SH3GL2: variants seen among roughly 807,000 people sequenced by gnomAD.
SH3GL2 encodes endophilin-A1.
SH3GL2 carries 24 observed loss-of-function variants against 46.0 expected under a neutral mutation model. The observed-to-expected ratio is 0.52, with a 90% CI of 0.38 to 0.73. The LOEUF is 0.73. SH3GL2 is among the 30% of genes least tolerant of loss of function. The pLI is 0.00. For synonymous variants in SH3GL2, 196 were observed against 147.1 expected (o/e 1.33, Z -2.40); for missense variants, 413 against 424.2 (o/e 0.97, Z 0.23).
intron 1 of SH3GL2, among the ~76,000 whole-genome samples, chr9:17,642,871 C>G (rs1417630359): frequency 1.3e-5 from 2 of 152,070 alleles, no homozygotes; most frequent in Non-Finnish European, 1.5e-5. Context: ...GTAGTTTTTT[C>G]TAATTCTGTG....
Position 17,795,796 on chromosome 9 carries a change from C to T in SH3GL2, c.*53C>T. On this transcript the variant is annotated 3_prime_UTR_variant, in exon 9 of 9. Transcript: ENST00000380607. ...CTTGACCCAGATAGTTACGGTTAACCACTGCTTTGGCAATGCTGCTTATAA... is the reference window on the plus strand; with the variant it reads ...CTTGACCCAGATAGTTACGGTTAACTACTGCTTTGGCAATGCTGCTTATAA... 1.4e-6 allele frequency: 2 copies of T among 1,445,942 alleles called. No individual in the cohort carries two copies. The highest frequency in any genetic ancestry group is 1.9e-6 in the Non-Finnish European group (2 of 1,038,998). 89.6% of individuals were successfully genotyped at this position (1,445,942 alleles called of 1,614,324 possible).
intron 1 of SH3GL2, among the ~76,000 whole-genome samples, chr9:17,721,481 A>G (rs572739480): frequency 6.6e-6 from 1 of 152,164 alleles, no homozygotes; most frequent in African/African-American, 2.4e-5. Context: ...TAATAAATAT[A>G]TTTTCCATCA....
intron 1 of SH3GL2, among the ~76,000 whole-genome samples, chr9:17,726,222 G>C (rs1171272622): frequency 1.3e-5 from 2 of 152,062 alleles, no homozygotes; most frequent in African/African-American, 4.8e-5. Flanking sequence ...CCTTCTTGGC[G>C]TGGTTTTTTA....
chr9:17,698,778 C>A (rs1821271914), intron 1 of SH3GL2, among the ~76,000 whole-genome samples: 1 of 152,156 alleles, frequency 6.6e-6, no homozygotes, highest in Admixed American at 6.5e-5. Flanking sequence ...TGTTTCTAAC[C>A]TTGAAGGGAA....
intron 1 of SH3GL2, among the ~76,000 whole-genome samples, chr9:17,639,661 C>T (rs1223319946): frequency 6.6e-5 from 10 of 151,966 alleles, no homozygotes; most frequent in Admixed American, 2.6e-4. Context: ...TGGTGTTAGT[C>T]GAAGAGAAAG....
intron 1 of SH3GL2, among the ~76,000 whole-genome samples, chr9:17,622,985 CGTTTCCTTT>C: frequency 1.1e-5 from 1 of 87,614 alleles, no homozygotes; most frequent in African/African-American, 4.8e-5. Flanking sequence ...CGTTTCCTTT[CGTTTCCTTT>C]CCTTTCCTTT....
intron 1 of SH3GL2, among the ~76,000 whole-genome samples, chr9:17,626,967 A>C (rs1282068839): frequency 6.6e-6 from 1 of 152,160 alleles, no homozygotes; most frequent in Non-Finnish European, 1.5e-5. Flanking sequence ...GGTCTGAGCC[A>C]GGATAATCTT....
intron 2 of SH3GL2, among the ~76,000 whole-genome samples, chr9:17,757,595 A>G (rs1185339023): frequency 6.6e-6 from 1 of 152,238 alleles, no homozygotes; most frequent in Non-Finnish European, 1.5e-5. Flanking sequence ...GGAGCTTATA[A>G]GATGAGAAAT....
At chr9:17,633,245 G>A (rs114042236) in intron 1 of SH3GL2, among the ~76,000 whole-genome samples, 288 of 152,306 alleles carry the variant, frequency 1.9e-3, no homozygotes, top group African/African-American at 6.7e-3. Context: ...GCCATGATGA[G>A]TGTGGGTACC....
intron 8 of SH3GL2, among the ~76,000 whole-genome samples, chr9:17,795,228 C>A (rs1037984216): frequency 6.6e-6 from 1 of 152,124 alleles, no homozygotes. Flanking sequence ...GGCATTATCA[C>A]GAAGGCAAAC....
intron 1 of SH3GL2, among the ~76,000 whole-genome samples, chr9:17,676,816 C>T (rs987860989): frequency 2.0e-5 from 3 of 152,154 alleles, no homozygotes; most frequent in Admixed American, 6.5e-5. Flanking sequence ...ACAGATGCTT[C>T]TCCATCTTGC....
chr9:17,660,130 T>G lies in SH3GL2; in HGVS notation c.45+80843T>G, dbSNP rs532571804. Among the ~76,000 whole-genome samples the G allele has an allele frequency of 2.2e-3, 329 of 152,356 alleles. 2 individuals carry two copies. The highest frequency in any genetic ancestry group is 7.6e-3 in the African/African-American group (318 of 41,582). On this transcript the variant is annotated intron_variant, in intron 1 of 8. Transcript: ENST00000380607. ...GGCAGGGTAAGAATTTAATAAGATG[T>G]ATGCTAAATGCCTGGCATGCATTAA...
chr9:17,653,084 T>TCAACCCATGGAC (rs1255931009), intron 1 of SH3GL2, among the ~76,000 whole-genome samples: 3 of 152,320 alleles, frequency 2.0e-5, no homozygotes, highest in South Asian at 2.1e-4. Context: ...GAATCATGGT[T>TCAACCCATGGAC]TTCTCAAAAA....
intron 1 of SH3GL2, among the ~76,000 whole-genome samples, chr9:17,681,899 C>T (rs1455786561): frequency 6.6e-6 from 1 of 152,058 alleles, no homozygotes; most frequent in Non-Finnish European, 1.5e-5. Flanking sequence ...TATGAACAGA[C>T]ACTTCTCAAA....
At chr9:17,769,302 C>G (rs951139815) in intron 3 of SH3GL2, among the ~76,000 whole-genome samples, 1 of 152,184 alleles carries the variant, frequency 6.6e-6, no homozygotes, top group Non-Finnish European at 1.5e-5. Flanking sequence ...GCAAAGAGCC[C>G]AATTCTATTC....
chr9:17,724,445 A>G (rs1247804614), intron 1 of SH3GL2, among the ~76,000 whole-genome samples: 1 of 152,058 alleles, frequency 6.6e-6, no homozygotes, highest in Non-Finnish European at 1.5e-5. Flanking sequence ...ATTTAAAATG[A>G]CTACTGCCGA....
intron 1 of SH3GL2, among the ~76,000 whole-genome samples, chr9:17,581,668 G>A (rs750858134): frequency 6.6e-6 from 1 of 152,008 alleles, no homozygotes; most frequent in Non-Finnish European, 1.5e-5. Flanking sequence ...CTGATGTGCT[G>A]GATAATATAG....
chr9:17,747,238 T>A, intron 2 of SH3GL2, 104 bp downstream of exon 2: 1 of 648,390 alleles, frequency 1.5e-6, no homozygotes, highest in South Asian at 2.0e-5. Flanking sequence ...CACTGGTCTC[T>A]GAGAATACTA....
chr9:17,676,708 A>G (rs1010064113), intron 1 of SH3GL2, among the ~76,000 whole-genome samples: 14 of 152,192 alleles, frequency 9.2e-5, no homozygotes, highest in Non-Finnish European at 1.3e-4. Context: ...ACATAGCCTC[A>G]ATATAGTTTT....
Sources: allele counts gnomAD v4.1 joint callset (sites outside exome capture counted in the v4.1 genomes callset), GRCh38; gene constraint gnomAD v4.1.1; transcripts MANE v1.5; gene names NCBI Gene and HGNC (gene_info 2026-07-23, HGNC 2026-07-21).